SGK3: variants seen among roughly 807,000 people sequenced by gnomAD.
SGK3 encodes the protein serine/threonine-protein kinase Sgk3.
A neutral mutation model predicts 68.5 loss-of-function variants in SGK3; 47 were observed. The ratio of observed to expected loss-of-function variants is 0.69; its 90% CI spans 0.54 to 0.87. SGK3 has a LOEUF of 0.87. SGK3 is among the 40% of genes least tolerant of loss of function. The probability of loss-of-function intolerance (pLI) is 0.00; values close to 1 mark genes in which losing one functional copy is unlikely to be tolerated. For synonymous variants in SGK3, 181 were observed against 189.1 expected, an observed-to-expected ratio of 0.96 and a Z score of 0.35; for missense variants, 479 against 575.5, an observed-to-expected ratio of 0.83 and a Z score of 1.72.
chr8:66,855,247 G>A (rs184285395), intron 16 of SGK3, among the ~76,000 whole-genome samples: 277 of 152,298 alleles, frequency 1.8e-3, no homozygotes, highest in African/African-American at 6.4e-3. Flanking sequence ...CTGTCGCCAA[G>A]GCTGGAGTAT....
intron 5 of SGK3, among the ~76,000 whole-genome samples, chr8:66,818,487 G>A (rs1358738856): frequency 1.3e-5 from 2 of 152,164 alleles, no homozygotes; most frequent in African/African-American, 4.8e-5. Context: ...AGAAATAAAT[G>A]TAACTGAATT....
At chr8:66,723,116 TA>T (rs1804859576) in intron 1 of SGK3, among the ~76,000 whole-genome samples, 11 of 52,352 alleles carry the variant, frequency 2.1e-4, no homozygotes, top group South Asian at 1.2e-3. Flanking sequence ...TATATATATA[TA>T]TATATATATA....
At chr8:66,837,661 G>A (rs1043989746) in intron 10 of SGK3, among the ~76,000 whole-genome samples, 1 of 152,066 alleles carries the variant, frequency 6.6e-6, no homozygotes, top group Admixed American at 6.5e-5. Flanking sequence ...ACATGCCTCC[G>A]TAGTCCCAGC....
chr8:66,804,035 GC>G (rs1275252300), intron 3 of SGK3, among the ~76,000 whole-genome samples: 1 of 152,112 alleles, frequency 6.6e-6, no homozygotes, highest in Non-Finnish European at 1.5e-5. Context: ...GCACGTTCTA[GC>G]CTTAGCACTT....
At chr8:66,810,791 A>T (rs1467392485) in intron 4 of SGK3, among the ~76,000 whole-genome samples, 1 of 152,052 alleles carries the variant, frequency 6.6e-6, no homozygotes, top group African/African-American at 2.4e-5. Context: ...TAGCCATTCT[A>T]TGGGGTTTTT....
At chr8:66,831,383 GT>G (rs1307576154) in intron 8 of SGK3, 72 bp downstream of exon 8, 3 of 1,572,278 alleles carry the variant, frequency 1.9e-6, no homozygotes, top group Non-Finnish European at 2.6e-6. Flanking sequence ...GTCTCACTCT[GT>G]TGTCCAGGCT....
At chr8:66,767,621 C>T in intron 1 of SGK3, 1 of 1,372,210 alleles carries the variant, frequency 7.3e-7, no homozygotes. Flanking sequence ...TCAGGCAGGT[C>T]AAAACTCTCG....
At chr8:66,825,453 C>G (rs1397680361) in intron 6 of SGK3, among the ~76,000 whole-genome samples, 1 of 151,810 alleles carries the variant, frequency 6.6e-6, no homozygotes, top group Non-Finnish European at 1.5e-5. Flanking sequence ...CTCAGCCTCC[C>G]GAGGAGCTGG....
chr8:66,713,928 G>A (rs1044784958), intron 1 of SGK3, among the ~76,000 whole-genome samples: 16 of 152,130 alleles, frequency 1.1e-4, no homozygotes, highest in African/African-American at 3.6e-4. Flanking sequence ...CATTTCCCTG[G>A]GGTAAGGGAG....
At chr8:66,721,575 A>G (rs1804795178) in intron 1 of SGK3, among the ~76,000 whole-genome samples, 1 of 152,186 alleles carries the variant, frequency 6.6e-6, no homozygotes, top group Admixed American at 6.6e-5. Flanking sequence ...GAGAATACCT[A>G]GTAATTCCTT....
chr8:66,758,246 T>A (rs1487801552), intron 1 of SGK3, among the ~76,000 whole-genome samples: 2 of 151,534 alleles, frequency 1.3e-5, no homozygotes, highest in Non-Finnish European at 2.9e-5. Context: ...CTCAGCTACT[T>A]GGGAGGCTGA....
Position 66,813,853 on chromosome 8 carries a change from A to G in SGK3, c.254A>G (p.Asp85Gly). The G allele has an allele frequency of 6.4e-7, 1 of 1,571,756 alleles. No homozygotes were observed. The highest frequency in any genetic ancestry group is 8.6e-7 in the Non-Finnish European group (1 of 1,160,786). ...KRIFGDNFDP[D>G]FIKQRRAGLN... ...CTAATAGTTTATATCTCTCTTCCAG[A>G]TTTTATTAAACAAAGACGAGCAGGA... Residue 85 changes from aspartate (D) to glycine (G), a missense_variant and splice_region_variant, in exon 5 of 17, where the codon GAT (aspartate) becomes GGT (glycine). By Grantham distance (94) the Asp-to-Gly change is moderately conservative (BLOSUM62 -1). This residue lies in a region of SGK3 where 298 missense variants were observed against 329.4 expected (regional missense o/e 0.90). Coordinates refer to ENST00000521198, the MANE Select transcript of SGK3 (RefSeq NM_001033578.3).
intron 8 of SGK3, among the ~76,000 whole-genome samples, chr8:66,832,749 A>AG (rs1809352720): frequency 6.6e-6 from 1 of 152,134 alleles, no homozygotes; most frequent in Non-Finnish European, 1.5e-5. Flanking sequence ...AAAAAAAAAA[A>AG]AAGTCATTAT....
intron 4 of SGK3, among the ~76,000 whole-genome samples, chr8:66,811,617 A>G (rs1808385993): frequency 1.3e-5 from 2 of 152,202 alleles, no homozygotes; most frequent in Non-Finnish European, 1.5e-5. Context: ...TTTAGTCAGT[A>G]ATGAAATGGC....
intron 16 of SGK3, among the ~76,000 whole-genome samples, chr8:66,857,722 G>A (rs1031343819): frequency 1.1e-4 from 17 of 151,958 alleles, no homozygotes; most frequent in South Asian, 6.2e-4. Context: ...GGTCGAAGCT[G>A]CAGTGAGCTG....
intron 1 of SGK3, among the ~76,000 whole-genome samples, chr8:66,765,686 T>A (rs1465755215): frequency 6.6e-6 from 1 of 151,896 alleles, no homozygotes; most frequent in Non-Finnish European, 1.5e-5. Flanking sequence ...TTCAATTTCT[T>A]CTTTGACCCA....
At chr8:66,825,316 T>A (rs1158903079) in intron 6 of SGK3, among the ~76,000 whole-genome samples, 3 of 150,442 alleles carry the variant, frequency 2.0e-5, no homozygotes, top group South Asian at 2.1e-4. Flanking sequence ...TAATTGTAAC[T>A]ACTTATTAAG....
intron 1 of SGK3, among the ~76,000 whole-genome samples, chr8:66,727,145 AG>A (rs1393751617): frequency 6.6e-6 from 1 of 152,112 alleles, no homozygotes; most frequent in African/African-American, 2.4e-5. Context: ...TCTGTTGCCC[AG>A]GATGGAGTGC....
intron 1 of SGK3, among the ~76,000 whole-genome samples, chr8:66,728,213 ACAT>A (rs1480011390): frequency 2.0e-5 from 3 of 152,186 alleles, no homozygotes; most frequent in Non-Finnish European, 4.4e-5. Flanking sequence ...CCTAGTCTGG[ACAT>A]TTTATTTAAA....
Sources: allele counts gnomAD v4.1 joint callset (sites outside exome capture counted in the v4.1 genomes callset), GRCh38; gene constraint gnomAD v4.1.1; regional missense constraint gnomAD v4.1.1; transcripts MANE v1.5; gene names NCBI Gene and HGNC (gene_info 2026-07-23, HGNC 2026-07-21).